Variants in ZNF536 observed in about 807,000 individuals in gnomAD.
ZNF536 encodes zinc finger protein 536.
ZNF536 carries 13 observed loss-of-function variants against 84.5 expected under a neutral mutation model. The ratio of observed to expected loss-of-function variants is 0.15; its 90% CI spans 0.10 to 0.24. The LOEUF is 0.24. Among genes scored for constraint, ZNF536 ranks in the 10% least tolerant of loss-of-function variants. The pLI, the probability that ZNF536 is intolerant of heterozygous loss-of-function variation, is 1.00. For missense variants in ZNF536, 1,536 were observed against 1,747.5 expected (o/e 0.88, Z 2.16); for synonymous variants, 811 against 742.5 (o/e 1.09, Z -1.50).
At chr19:30,301,484 T>G (rs2046182788) in intron 2 of ZNF536, among the ~76,000 whole-genome samples, 1 of 152,176 alleles carries the variant, frequency 6.6e-6, no homozygotes, top group Non-Finnish European at 1.5e-5. Context: ...TCTTGCGAAT[T>G]GCATGACTGC....
At chr19:30,526,880 C>G (rs1390419097) in intron 2 of ZNF536, among the ~76,000 whole-genome samples, 2 of 152,010 alleles carry the variant, frequency 1.3e-5, no homozygotes, top group African/African-American at 4.8e-5. Flanking sequence ...CAAAATGTTG[C>G]TTTAGAGAAG....
At chr19:30,422,110 G>A (rs1425048183) in intron 1 of ZNF536, among the ~76,000 whole-genome samples, 2 of 152,110 alleles carry the variant, frequency 1.3e-5, no homozygotes, top group African/African-American at 4.8e-5. Context: ...GGTGATATGC[G>A]GGTGCCTGAA....
intron 2 of ZNF536, among the ~76,000 whole-genome samples, chr19:30,531,996 A>G (rs1410122854): frequency 6.6e-6 from 1 of 152,146 alleles, no homozygotes; most frequent in Non-Finnish European, 1.5e-5. Flanking sequence ...AGAGAACATG[A>G]GGACATTCTC....
At chr19:30,248,141 T>C (rs184090738) in intron 1 of ZNF536, among the ~76,000 whole-genome samples, 1 of 152,308 alleles carries the variant, frequency 6.6e-6, no homozygotes, top group East Asian at 1.9e-4. Flanking sequence ...AATGACTGAT[T>C]GGTCAAAAGC....
At chr19:30,283,442 A>G (rs2045522184) in intron 1 of ZNF536, among the ~76,000 whole-genome samples, 1 of 152,336 alleles carries the variant, frequency 6.6e-6, no homozygotes, top group South Asian at 2.1e-4. Context: ...TGGGACTTAC[A>G]TCAGTGATAA....
At chr19:30,278,365 T>C (rs1000301213) in intron 1 of ZNF536, among the ~76,000 whole-genome samples, 12 of 152,132 alleles carry the variant, frequency 7.9e-5, no homozygotes, top group Non-Finnish European at 1.8e-4. Context: ...TTTCTGGCCA[T>C]GGGCGATTAG....
At chr19:30,469,919 C>T (rs1475100030) in intron 2 of ZNF536, among the ~76,000 whole-genome samples, 1 of 152,212 alleles carries the variant, frequency 6.6e-6, no homozygotes, top group Non-Finnish European at 1.5e-5. Flanking sequence ...ATGCTATTCA[C>T]TGCTAGAAAC....
intron 1 of ZNF536, among the ~76,000 whole-genome samples, chr19:30,635,023 AC>A (rs1424732292): frequency 4.6e-5 from 7 of 152,172 alleles, no homozygotes; most frequent in African/African-American, 1.4e-4. Context: ...AGAAAAAACA[AC>A]CGATGAGCAA....
At chr19:30,681,635 C>T (rs868502917) in intron 1 of ZNF536, among the ~76,000 whole-genome samples, 6 of 152,314 alleles carry the variant, frequency 3.9e-5, no homozygotes, top group South Asian at 2.1e-4. Flanking sequence ...ATACTGGTGG[C>T]GTTGATCCTT....
intron 2 of ZNF536, among the ~76,000 whole-genome samples, chr19:30,494,031 G>T (rs2054615404): frequency 6.6e-6 from 1 of 152,066 alleles, no homozygotes; most frequent in African/African-American, 2.4e-5. Flanking sequence ...TCTCAACCCT[G>T]CCCCTGTTTG....
intron 2 of ZNF536, among the ~76,000 whole-genome samples, chr19:30,320,290 G>A (rs975331963): frequency 5.9e-5 from 9 of 152,162 alleles, no homozygotes; most frequent in African/African-American, 1.9e-4. Context: ...GTATAGAAAT[G>A]TTAATCATGT....
intron 3 of ZNF536, among the ~76,000 whole-genome samples, chr19:30,358,210 C>T (rs920828018): frequency 1.3e-5 from 2 of 152,310 alleles, no homozygotes; most frequent in African/African-American, 2.4e-5. Context: ...TCAAAGCCAC[C>T]TTCCTTTTAT....
chr19:30,229,606 GGGGGTCGCCCCT>G (rs1316957395), intron 1 of ZNF536, among the ~76,000 whole-genome samples: 1 of 152,172 alleles, frequency 6.6e-6, no homozygotes, highest in Non-Finnish European at 1.5e-5. Context: ...GGGAGTCGCA[GGGGGTCGCCCCT>G]GCAGCCCTCT....
At chr19:30,677,047 G>A (rs1181867603) in intron 1 of ZNF536, among the ~76,000 whole-genome samples, 2 of 152,176 alleles carry the variant, frequency 1.3e-5, no homozygotes, top group African/African-American at 2.4e-5. Flanking sequence ...GAAAGAAATG[G>A]CGTGATGCCT....
intron 1 of ZNF536, among the ~76,000 whole-genome samples, chr19:30,649,745 G>A (rs539493759): frequency 6.6e-6 from 1 of 152,196 alleles, no homozygotes; most frequent in African/African-American, 2.4e-5. Flanking sequence ...CTAGGACCTA[G>A]TGACAGGGGC....
At chr19:30,599,984 C>G (rs2047624796) in intron 1 of ZNF536, among the ~76,000 whole-genome samples, 1 of 114,990 alleles carries the variant, frequency 8.7e-6, no homozygotes, top group Non-Finnish European at 2.2e-5. Context: ...CACGGAGTGT[C>G]ACTGGGGGAA....
intron 2 of ZNF536, among the ~76,000 whole-genome samples, chr19:30,480,442 A>G (rs2054029017): frequency 6.6e-6 from 1 of 152,178 alleles, no homozygotes; most frequent in Non-Finnish European, 1.5e-5. Flanking sequence ...GCAAACTAAT[A>G]CAGGAACAGA....
intron 2 of ZNF536, among the ~76,000 whole-genome samples, chr19:30,522,478 A>G (rs1414420646): frequency 6.6e-6 from 1 of 151,266 alleles, no homozygotes. Flanking sequence ...AGAGCTGGCA[A>G]TTGACACTTG....
intron 1 of ZNF536, among the ~76,000 whole-genome samples, chr19:30,575,438 G>A (rs150175082): frequency 0.017 from 2,533 of 152,262 alleles, 28 homozygotes; most frequent in Non-Finnish European, 0.028. Flanking sequence ...GATCCTGCCC[G>A]CCCAGGTGGC....
Sources: gnomAD v4.1 joint callset for allele counts (sites outside exome capture counted in the v4.1 genomes callset) on GRCh38, gnomAD v4.1.1 for gene constraint, MANE v1.5 for transcripts, NCBI Gene and HGNC (gene_info 2026-07-23, HGNC 2026-07-21) for gene names.